LRRC4C: variants seen among roughly 807,000 people sequenced by gnomAD.
LRRC4C encodes leucine rich repeat containing 4C.
LRRC4C carries 5 observed loss-of-function variants against 33.6 expected under a neutral mutation model. The ratio of observed to expected loss-of-function variants is 0.15; its 90% CI spans 0.08 to 0.31. The LOEUF is 0.31. Among genes scored for constraint, LRRC4C ranks in the 10% least tolerant of loss-of-function variants. The pLI, the probability that LRRC4C is intolerant of heterozygous loss-of-function variation, is 1.00. For synonymous variants in LRRC4C, 329 were observed against 302.0 expected, an observed-to-expected ratio of 1.09 and a Z score of -0.93; for missense variants, 560 against 796.7, an observed-to-expected ratio of 0.70 and a Z score of 3.58.
At chr11:40,841,857 G>T (rs909380366) in intron 2 of LRRC4C, among the ~76,000 whole-genome samples, 4 of 152,180 alleles carry the variant, frequency 2.6e-5, no homozygotes, top group Admixed American at 6.5e-5. Flanking sequence ...CATGTTAGTG[G>T]CTAGCTGCCA....
At chr11:40,430,841 G>T (rs558376036) in intron 3 of LRRC4C, among the ~76,000 whole-genome samples, 2 of 148,122 alleles carry the variant, frequency 1.4e-5, no homozygotes, top group South Asian at 2.2e-4. Flanking sequence ...GTAAACTATC[G>T]CAAGAACAAA....
chr11:40,468,433 A>G lies in LRRC4C; in HGVS notation c.-269-148712T>C, dbSNP rs1258087773. The stretch of plus-strand genomic sequence containing the variant: ...TTGGATAAGGCCATCCAACATATGG[A>G]GAGTAATCTACTTTTCTTGAATTCT... On this transcript the variant is annotated intron_variant, in intron 3 of 6. Transcript: ENST00000528697. 2.0e-5 allele frequency among the ~76,000 whole-genome samples: 3 copies of G among 152,188 alleles called. No individual in the cohort carries two copies. The East Asian group carries it at 5.8e-4, about 29-fold the overall frequency.
intron 5 of LRRC4C, among the ~76,000 whole-genome samples, chr11:40,212,837 TCA>T (rs1455904638): frequency 1.3e-5 from 2 of 152,140 alleles, no homozygotes; most frequent in African/African-American, 4.8e-5. Context: ...TGCTTAGCCT[TCA>T]AACTTTGTTA....
chr11:41,165,201 C>CT (rs1481485971), intron 1 of LRRC4C, among the ~76,000 whole-genome samples: 1 of 152,076 alleles, frequency 6.6e-6, no homozygotes, highest in East Asian at 1.9e-4. Context: ...CTCAAACTGT[C>CT]TTTTTCTCAA....
chr11:41,019,180 A>C (rs1590255197), intron 1 of LRRC4C, among the ~76,000 whole-genome samples: 2 of 150,558 alleles, frequency 1.3e-5, no homozygotes, highest in African/African-American at 4.9e-5. Flanking sequence ...CCTCACCCCC[A>C]CCCCGCAACA....
chr11:41,248,750 T>C (rs1220092110), intron 1 of LRRC4C, among the ~76,000 whole-genome samples: 2 of 152,196 alleles, frequency 1.3e-5, no homozygotes, highest in East Asian at 3.9e-4. Context: ...ACTACAACTT[T>C]TAATTTGATA....
At chr11:41,090,567 A>T (rs1193374197) in intron 1 of LRRC4C, among the ~76,000 whole-genome samples, 1 of 152,130 alleles carries the variant, frequency 6.6e-6, no homozygotes, top group Non-Finnish European at 1.5e-5. Flanking sequence ...TAATGCAGCT[A>T]CTTTGTCCTG....
rs1265445512 is a variant in LRRC4C at position 41,278,823 on chromosome 11, TG to T, written c.-496+180607del. Among the ~76,000 whole-genome samples, 9 of 64,956 alleles carry T rather than the reference TG, an allele frequency of 1.4e-4. No homozygotes were observed. In the Admixed American group the frequency reaches 1.7e-3, roughly 13 times the overall value. The allele number at this position is 64,956 out of a possible 152,430, so 42.6% of individuals were successfully genotyped here. On this transcript the variant is annotated intron_variant, in intron 1 of 6. Transcript: ENST00000528697. The stretch of plus-strand genomic sequence containing the variant: ...TGTTTTTCTGTTTTATTTTGTTTTG[TG>T]TTTTTTTCCCCCAACTTTTAAGTTG...
intron 1 of LRRC4C, among the ~76,000 whole-genome samples, chr11:41,416,789 A>G (rs574403040): frequency 2.0e-5 from 3 of 152,130 alleles, no homozygotes; most frequent in East Asian, 3.9e-4. Context: ...TAGCGCTGCT[A>G]TGAGACTTTT....
At chr11:40,833,431 T>C (rs957856989) in intron 2 of LRRC4C, among the ~76,000 whole-genome samples, 22 of 152,126 alleles carry the variant, frequency 1.4e-4, no homozygotes, top group Non-Finnish European at 2.9e-5. Flanking sequence ...ATATATCCAA[T>C]ATATTGTCAT....
chr11:41,208,253 G>C (rs1454311608), intron 1 of LRRC4C, among the ~76,000 whole-genome samples: 3 of 152,200 alleles, frequency 2.0e-5, no homozygotes, highest in Non-Finnish European at 4.4e-5. Context: ...ACTTGTGAGT[G>C]ATAAAATTGG....
At chr11:40,709,893 ACT>A (rs1946373873) in intron 2 of LRRC4C, among the ~76,000 whole-genome samples, 1 of 151,712 alleles carries the variant, frequency 6.6e-6, no homozygotes, top group Non-Finnish European at 1.5e-5. Flanking sequence ...GTTTCTTTTT[ACT>A]CTTTTTTCTC....
chr11:41,287,394 A>T (rs1018581342), intron 1 of LRRC4C, among the ~76,000 whole-genome samples: 4 of 152,062 alleles, frequency 2.6e-5, no homozygotes, highest in Non-Finnish European at 5.9e-5. Context: ...CTAGAATTTG[A>T]CTCAAGTATT....
At chr11:41,195,679 A>G (rs2136232999) in intron 1 of LRRC4C, among the ~76,000 whole-genome samples, 1 of 152,238 alleles carries the variant, frequency 6.6e-6, no homozygotes, top group African/African-American at 2.4e-5. Flanking sequence ...AACATCAGAA[A>G]GAGCAGTTTA....
intron 3 of LRRC4C, among the ~76,000 whole-genome samples, chr11:40,641,642 A>G (rs1942128230): frequency 6.6e-6 from 1 of 151,994 alleles, no homozygotes; most frequent in East Asian, 1.9e-4. Flanking sequence ...ATGAGCAGAG[A>G]CCTCTCCTGC....
chr11:40,570,912 T>C (rs941245882), intron 3 of LRRC4C, among the ~76,000 whole-genome samples: 1 of 152,112 alleles, frequency 6.6e-6, no homozygotes, highest in African/African-American at 2.4e-5. Flanking sequence ...AATTTAAAGA[T>C]TTTTTTAAGA....
At position 40,853,863 on chromosome 11, in the gene LRRC4C, G is replaced by A. The variant is rs372554292; in HGVS notation, c.-407+79772C>T. On this transcript the variant is annotated intron_variant, in intron 2 of 6. Coordinates refer to ENST00000528697, the MANE Select transcript of LRRC4C (RefSeq NM_001258419.2). Reference sequence around the variant, plus strand: ...TGGAGATGTAAGTTAGGTGATAGATGGATAGAAAAAAGACAGGTGGTAGAA... The same window carrying A: ...TGGAGATGTAAGTTAGGTGATAGATAGATAGAAAAAAGACAGGTGGTAGAA... 1.4e-3 allele frequency among the ~76,000 whole-genome samples: 211 copies of A among 152,200 alleles called. 2 individuals are homozygous for A. Among genetic ancestry groups the A allele is most frequent in the South Asian group, 9.8e-3 (47 of 4,814 alleles).
intron 1 of LRRC4C, among the ~76,000 whole-genome samples, chr11:40,945,231 T>A (rs372751351): frequency 3.6e-4 from 54 of 151,858 alleles, no homozygotes; most frequent in African/African-American, 1.2e-3. Context: ...GGGGTTAACC[T>A]GGATGGTCTC....
chr11:40,288,934 T>A (rs1031269178), intron 4 of LRRC4C, among the ~76,000 whole-genome samples: 1 of 152,196 alleles, frequency 6.6e-6, no homozygotes, highest in African/African-American at 2.4e-5. Context: ...TTATTCAACT[T>A]TTAGACCAAA....
Sources: allele counts gnomAD v4.1 joint callset (sites outside exome capture counted in the v4.1 genomes callset), GRCh38; gene constraint gnomAD v4.1.1; transcripts MANE v1.5; gene names NCBI Gene and HGNC (gene_info 2026-07-23, HGNC 2026-07-21).